INVS: variants seen among roughly 807,000 people sequenced by gnomAD.
INVS encodes the protein inversion of embryo turning homolog.
Under a neutral mutation model 108.8 loss-of-function variants are expected in INVS, and 86 were observed. The observed-to-expected ratio is 0.79, with a 90% CI of 0.66 to 0.95. The LOEUF (loss-of-function observed/expected upper bound fraction) is 0.95, where lower values mean the gene tolerates loss of function less well. INVS is among the 40% of genes least tolerant of loss of function. The probability of loss-of-function intolerance (pLI) is 0.00; values close to 1 mark genes in which losing one functional copy is unlikely to be tolerated. For missense variants in INVS, 1,169 were observed against 1,297.4 expected, an observed-to-expected ratio of 0.90 and a Z score of 1.52; for synonymous variants, 455 against 473.5, an observed-to-expected ratio of 0.96 and a Z score of 0.51.
rs531730767 is a variant in INVS, at chr9:100,121,437, A to G, written c.107-4946A>G. Among the ~76,000 whole-genome samples, 10 of 152,322 alleles carry G rather than the reference A, an allele frequency of 6.6e-5. No individual in the cohort carries two copies. In the East Asian group the frequency reaches 1.9e-3, roughly 29 times the overall value. ...ACCACAAGTACTGTTGAGAGTATCT[A>G]TATCTTAAGTGGACTTTGAAGGAGT... On this transcript the variant is annotated intron_variant, in intron 2 of 16. Transcript: ENST00000262457.
intron 3 of INVS, among the ~76,000 whole-genome samples, chr9:100,186,531 GT>G (rs1165560141): frequency 6.6e-6 from 1 of 152,054 alleles, no homozygotes; most frequent in African/African-American, 2.4e-5. Flanking sequence ...AACATCTCTT[GT>G]TTTTTGACTG....
At chr9:100,117,387 G>T in intron 2 of INVS, 1 of 772,350 alleles carries the variant, frequency 1.3e-6, no homozygotes, top group Non-Finnish European at 2.3e-6. Flanking sequence ...AGGGAGAAGA[G>T]ACAGATTTCC....
intron 3 of INVS, chr9:100,129,914 G>A (rs529677746): frequency 2.2e-6 from 1 of 448,782 alleles, no homozygotes; most frequent in African/African-American, 2.0e-5. Flanking sequence ...GGAGAGGAGG[G>A]AATTGCAGAG....
intron 3 of INVS, among the ~76,000 whole-genome samples, chr9:100,142,327 C>G (rs1828458757): frequency 6.6e-6 from 1 of 152,208 alleles, no homozygotes; most frequent in African/African-American, 2.4e-5. Context: ...GTTCGGCTTG[C>G]TGAGAGGTAG....
chr9:100,146,718 T>C (rs1344298778), intron 3 of INVS, among the ~76,000 whole-genome samples: 1 of 152,228 alleles, frequency 6.6e-6, no homozygotes, highest in Non-Finnish European at 1.5e-5. Flanking sequence ...AATTAAGTGA[T>C]TTAGAAAGGA....
Position 100,242,570 on chromosome 9 carries a change from G to T in INVS, c.797G>T (p.Gly266Val). ...RTPLHWAALL[G>V]HAQIVHLLLE... is the part of the protein sequence containing the mutation. ...ATTACCTTTTTGTGTCTTTTCTCAG[G>T]CCATGCACAGATTGTCCATCTCCTT... is the stretch of plus-strand genomic sequence containing the variant. The change falls in exon 7 of 17, where the codon GGC (glycine) becomes GTC (valine). Residue 266 changes from glycine (G) to valine (V), a missense_variant and splice_region_variant. Gly to Val is a moderately radical substitution (Grantham distance 109, BLOSUM62 -3). Around this residue, in one of 3 missense-constraint regions of INVS, gnomAD observed 365 missense variants for 397.5 expected, o/e 0.92. Transcript: ENST00000262457. 1 of 1,539,114 alleles carries T rather than the reference G, an allele frequency of 6.5e-7. No individual in the cohort carries two copies. Among genetic ancestry groups the T allele is most frequent in the Admixed American group, 1.7e-5 (1 of 59,838 alleles).
intron 7 of INVS, among the ~76,000 whole-genome samples, chr9:100,243,230 A>G (rs1179980163): frequency 6.6e-6 from 1 of 152,244 alleles, no homozygotes; most frequent in Non-Finnish European, 1.5e-5. Context: ...GAACTAGAAC[A>G]ATCTCGGCTA....
chr9:100,264,187 GA>G (rs1832715060), intron 10 of INVS, among the ~76,000 whole-genome samples: 2 of 152,056 alleles, frequency 1.3e-5, no homozygotes, highest in Non-Finnish European at 2.9e-5. Context: ...TTATTTTATA[GA>G]ATTTGACTCA....
intron 3 of INVS, among the ~76,000 whole-genome samples, chr9:100,194,657 A>G (rs1230860318): frequency 6.6e-6 from 1 of 152,152 alleles, no homozygotes; most frequent in East Asian, 1.9e-4. Context: ...TTCTGATCTT[A>G]GGAAGAAAGC....
Position 100,122,576 on chromosome 9 carries a change from C to CTTTTTTTTTTTTTTTTTTT in INVS, c.107-3800_107-3782dup, listed in dbSNP as rs1161036698. 7.0e-5 allele frequency among the ~76,000 whole-genome samples: 4 copies of CTTTTTTTTTTTTTTTTTTT among 57,532 alleles called. 1 individual carries two copies. In the Admixed American group the frequency reaches 8.8e-4, roughly 13 times the overall value. The allele number at this position is 57,532 out of a possible 152,430, so 37.7% of individuals were successfully genotyped here. Reference sequence around the variant, plus strand: ...ATGTTATTGTATTTTAAGTGAGTTTCTTTTTTTTTTTTTTTTTTTTTTTTT... The same window carrying CTTTTTTTTTTTTTTTTTTT: ...ATGTTATTGTATTTTAAGTGAGTTTCTTTTTTTTTTTTTTTTTTTTTTTTTTTTTTTTTTTTTTTTTTTT... On this transcript the variant is annotated intron_variant, in intron 2 of 16. Coordinates refer to ENST00000262457, the MANE Select transcript of INVS (RefSeq NM_014425.5).
intron 3 of INVS, among the ~76,000 whole-genome samples, chr9:100,208,801 T>C (rs188660649): frequency 6.6e-6 from 1 of 152,296 alleles, no homozygotes; most frequent in East Asian, 1.9e-4. Flanking sequence ...GCTACACAGA[T>C]TATCATGGAC....
chr9:100,137,104 G>A (rs927655955), intron 3 of INVS, among the ~76,000 whole-genome samples: 7 of 152,150 alleles, frequency 4.6e-5, no homozygotes, highest in African/African-American at 1.7e-4. Context: ...CAATGAATGA[G>A]TATGCTATGA....
At chr9:100,133,184 G>C (rs898911461) in intron 3 of INVS, among the ~76,000 whole-genome samples, 1 of 152,266 alleles carries the variant, frequency 6.6e-6, no homozygotes, top group African/African-American at 2.4e-5. Flanking sequence ...ATCAAACTCA[G>C]TATTTCTTAT....
At chr9:100,204,661 A>G (rs1243570265) in intron 3 of INVS, among the ~76,000 whole-genome samples, 1 of 152,152 alleles carries the variant, frequency 6.6e-6, no homozygotes, top group South Asian at 2.1e-4. Context: ...GATCACAAAA[A>G]AAAAGATTTT....
chr9:100,274,188 T>C (rs971434091), intron 12 of INVS, among the ~76,000 whole-genome samples: 1 of 151,924 alleles, frequency 6.6e-6, no homozygotes, highest in African/African-American at 2.4e-5. Context: ...TGAAACACCA[T>C]CTCTACTAAA....
chr9:100,299,975 T>C (rs796717885), intron 16 of INVS, among the ~76,000 whole-genome samples: 3 of 152,376 alleles, frequency 2.0e-5, no homozygotes, highest in African/African-American at 7.2e-5. Context: ...TTTGCTTATA[T>C]GCTCCATAAA....
chr9:100,166,923 C>T (rs1829381662), intron 3 of INVS, among the ~76,000 whole-genome samples: 1 of 152,182 alleles, frequency 6.6e-6, no homozygotes, highest in African/African-American at 2.4e-5. Flanking sequence ...CAAAGCATGT[C>T]AGTCCTCTGC....
At chr9:100,286,822 G>A (rs1031036522) in intron 13 of INVS, among the ~76,000 whole-genome samples, 3 of 152,122 alleles carry the variant, frequency 2.0e-5, no homozygotes, top group South Asian at 2.1e-4. Context: ...ATATCTCCCC[G>A]CTAAAGGAGG....
rs144478818 is a variant in INVS, at chr9:100,296,977, T to C, written c.2847T>C (p.Asp949=). 2.5e-6 allele frequency: 4 copies of C among 1,613,968 alleles called. No homozygotes were observed. Among genetic ancestry groups the C allele is most frequent in the Non-Finnish European group, 3.4e-6 (4 of 1,180,014 alleles). ...LRHMKQLGAG[D]VDRWRQESTA... is the part of the protein sequence containing the mutation. ...ATATGAAGCAGCTTGGAGCTGGAGA[T>C]GTGGACAGATGGAGGCAAGAGTCTA... Residue 949 remains aspartate (D), a synonymous_variant, in exon 15 of 17, where the codon GAT becomes GAC. Transcript: ENST00000262457.
Sources: gnomAD v4.1 joint callset for allele counts (sites outside exome capture counted in the v4.1 genomes callset) on GRCh38, gnomAD v4.1.1 for gene constraint, gnomAD v4.1.1 regional missense constraint, MANE v1.5 for transcripts, NCBI Gene and HGNC (gene_info 2026-07-23, HGNC 2026-07-21) for gene names.